CNBD1: variants seen among roughly 807,000 people sequenced by gnomAD.
CNBD1 encodes the protein cyclic nucleotide binding domain containing 1.
Under a neutral mutation model 54.4 loss-of-function variants are expected in CNBD1, and 71 were observed. The observed-to-expected ratio is 1.30, with a 90% confidence interval of 1.08 to 1.59. The LOEUF is 1.59. Among genes scored for constraint, CNBD1 ranks in the 40% most tolerant of loss-of-function variants. CNBD1 has a pLI of 0.00. For synonymous variants in CNBD1, 182 were observed against 170.7 expected (o/e 1.07, Z -0.51); for missense variants, 659 against 518.0 (o/e 1.27, Z -2.64).
chr8:87,118,003 G>A (rs913726559), intron 4 of CNBD1, among the ~76,000 whole-genome samples: 1 of 152,046 alleles, frequency 6.6e-6, no homozygotes, highest in Non-Finnish European at 1.5e-5. Context: ...GTTAGAATAT[G>A]TTAAGCATAA....
At chr8:86,964,112 G>A (rs571202355) in intron 4 of CNBD1, among the ~76,000 whole-genome samples, 4 of 334 alleles carry the variant, frequency 0.012, no homozygotes, top group South Asian at 0.12. Context: ...CTCTCTGGTC[G>A]TATGGCCTGT....
intron 2 of CNBD1, among the ~76,000 whole-genome samples, chr8:86,897,381 C>T (rs556917103): frequency 2.5e-4 from 38 of 152,154 alleles, no homozygotes; most frequent in African/African-American, 8.7e-4. Context: ...TAAGTAACTG[C>T]GCAAAGTGGC....
intron 4 of CNBD1, among the ~76,000 whole-genome samples, chr8:87,083,742 C>A (rs932061333): frequency 5.3e-5 from 8 of 151,952 alleles, no homozygotes; most frequent in Non-Finnish European, 8.8e-5. Flanking sequence ...TCGCCTACCA[C>A]CACACCCGGC....
At chr8:87,213,661 A>G (rs756245591) in intron 5 of CNBD1, among the ~76,000 whole-genome samples, 96 of 151,996 alleles carry the variant, frequency 6.3e-4, no homozygotes, top group Non-Finnish European at 1.3e-3. Context: ...TCAAGATACA[A>G]TTTAGGTGGG....
intron 1 of CNBD1, among the ~76,000 whole-genome samples, chr8:86,872,300 C>A (rs1404610624): frequency 1.3e-5 from 2 of 152,062 alleles, no homozygotes; most frequent in Non-Finnish European, 2.9e-5. Flanking sequence ...CAGAGTTTTC[C>A]TAAATTACTT....
chr8:87,012,438 G>GA (rs953689778), intron 4 of CNBD1, among the ~76,000 whole-genome samples: 3 of 152,014 alleles, frequency 2.0e-5, no homozygotes, highest in Admixed American at 1.3e-4. Context: ...ATGAGACAAG[G>GA]AAAAAAATAT....
At chr8:87,106,214 T>A (rs1811533158) in intron 4 of CNBD1, among the ~76,000 whole-genome samples, 1 of 151,626 alleles carries the variant, frequency 6.6e-6, no homozygotes, top group Admixed American at 6.6e-5. Context: ...TTTCTTTTCT[T>A]TTCTTTCTTT....
In CNBD1 at chr8:87,168,573, C is replaced by T. The variant is rs376172798; in HGVS notation, c.432-37420C>T. Among the ~76,000 whole-genome samples, 27 of 152,024 alleles carry T rather than the reference C, an allele frequency of 1.8e-4. No individual in the cohort carries two copies. The South Asian group carries it at 4.4e-3, about 25-fold the overall frequency. On this transcript the variant is annotated intron_variant, in intron 4 of 10. Transcript: ENST00000518476. ...TTAACCATCCCTACTTCCCCACCCC[C>T]GACTCCCTCTGCTACCCTTCCCAGC...
At chr8:87,154,838 C>T (rs138093582) in intron 4 of CNBD1, among the ~76,000 whole-genome samples, 11 of 152,198 alleles carry the variant, frequency 7.2e-5, no homozygotes, top group East Asian at 5.8e-4. Flanking sequence ...TAGTGTAGAA[C>T]GCACCCATTT....
chr8:86,966,955 C>T (rs1413372298), intron 4 of CNBD1, among the ~76,000 whole-genome samples: 4 of 152,152 alleles, frequency 2.6e-5, no homozygotes, highest in Non-Finnish European at 5.9e-5. Flanking sequence ...GTCCATTTTA[C>T]AGAGTGCTGA....
chr8:87,222,482 G>A (rs1217536723), intron 5 of CNBD1, among the ~76,000 whole-genome samples: 3 of 152,138 alleles, frequency 2.0e-5, no homozygotes, highest in Non-Finnish European at 4.4e-5. Context: ...CTGTTAATTA[G>A]GTTGGATGGG....
chr8:87,167,829 G>A (rs895182507), intron 4 of CNBD1, among the ~76,000 whole-genome samples: 2 of 151,808 alleles, frequency 1.3e-5, no homozygotes, highest in Non-Finnish European at 2.9e-5. Context: ...GAATTATTAG[G>A]TGCATTTTTA....
chr8:87,358,010 G>T (rs1182650152), intron 10 of CNBD1, among the ~76,000 whole-genome samples: 1 of 152,016 alleles, frequency 6.6e-6, no homozygotes, highest in African/African-American at 2.4e-5. Context: ...TCTCTCTCTT[G>T]CTCCCTCTCT....
chr8:87,000,047 T>G (rs986179423), intron 4 of CNBD1, among the ~76,000 whole-genome samples: 8 of 152,184 alleles, frequency 5.3e-5, no homozygotes, highest in African/African-American at 1.9e-4. Context: ...AAGTTCTTAA[T>G]TTTTGGTTTT....
intron 8 of CNBD1, among the ~76,000 whole-genome samples, chr8:87,340,268 G>T (rs1255315383): frequency 6.6e-6 from 1 of 152,134 alleles, no homozygotes; most frequent in Non-Finnish European, 1.5e-5. Flanking sequence ...TTTCCTAGTA[G>T]GTGATAATTC....
At chr8:87,002,652 G>A (rs1247614886) in intron 4 of CNBD1, among the ~76,000 whole-genome samples, 3 of 149,160 alleles carry the variant, frequency 2.0e-5, no homozygotes, top group Non-Finnish European at 4.4e-5. Flanking sequence ...AACATCATAT[G>A]TTCAGTAAGG....
At chr8:87,257,925 C>T (rs13251166) in intron 6 of CNBD1, among the ~76,000 whole-genome samples, 49,339 of 149,824 alleles carry the variant, frequency 0.33, 8,727 homozygotes, top group Non-Finnish European at 0.4. Flanking sequence ...AACATAATAA[C>T]GTTAATTATG....
At chr8:87,424,367 T>G (rs948475925) in intron 2 of CNBD1, among the ~76,000 whole-genome samples, 22 of 152,272 alleles carry the variant, frequency 1.4e-4, no homozygotes, top group African/African-American at 4.8e-4. Flanking sequence ...ATTGTGATGT[T>G]AGGGTGTCAA....
At chr8:87,092,483 ATATG>A (rs1811232071) in intron 4 of CNBD1, among the ~76,000 whole-genome samples, 1 of 141,166 alleles carries the variant, frequency 7.1e-6, no homozygotes, top group African/African-American at 2.9e-5. Flanking sequence ...ATATATACAC[ATATG>A]TGTGTGTGTA....
Sources: gnomAD v4.1 joint callset for allele counts (sites outside exome capture counted in the v4.1 genomes callset) on GRCh38, gnomAD v4.1.1 for gene constraint, MANE v1.5 for transcripts, NCBI Gene and HGNC (gene_info 2026-07-23, HGNC 2026-07-21) for gene names.